Variants in GPX4 observed in about 807,000 individuals in gnomAD.
GPX4 encodes the protein phospholipid hydroperoxide glutathione peroxidase GPX4.
A neutral mutation model predicts 27.8 loss-of-function variants in GPX4; 28 were observed. The ratio of observed to expected loss-of-function variants is 1.01; its 90% CI spans 0.75 to 1.38. GPX4 has a LOEUF of 1.38. GPX4 is among the 40% of genes most tolerant of loss of function. GPX4 has a pLI of 0.00. For missense variants in GPX4, 357 were observed against 274.1 expected, an observed-to-expected ratio of 1.30 and a Z score of -2.14; for synonymous variants, 163 against 107.8, an observed-to-expected ratio of 1.51 and a Z score of -3.17.
intron 1 of GPX4, chr19:1,104,518 G>A: frequency 1.8e-6 from 1 of 546,334 alleles, no homozygotes; most frequent in Non-Finnish European, 2.4e-6. Flanking sequence ...ACGGCGGGGC[G>A]TCTCCGGGCC....
rs758851198 is a variant in GPX4 at position 1,106,606 on chromosome 19, C to G, written c.*34C>G. The stretch of plus-strand genomic sequence containing the variant: ...GTGTGTGGCCCCGCCCGAGCCCCTG[C>G]CCACGCCCTTGGAGCCTTCCACCGG... On this transcript the variant is annotated 3_prime_UTR_variant, in exon 7 of 7. Transcript: ENST00000354171. The G allele has an allele frequency of 4.0e-5, 64 of 1,612,414 alleles. No individual in the cohort carries two copies. Among genetic ancestry groups the G allele is most frequent in the African/African-American group, 9.3e-5 (7 of 74,882 alleles).
At chr19:1,106,178 C>G in intron 4 of GPX4, 64 bp from the exon 5 acceptor site, 1 of 1,487,712 alleles carries the variant, frequency 6.7e-7, no homozygotes, top group Non-Finnish European at 9.1e-7. Flanking sequence ...CTCCTGGAGA[C>G]AGGACAGCTT....
chr19:1,105,502 G>A lies in GPX4; in HGVS notation c.316G>A (p.Gly106Arg). 3.1e-6 allele frequency: 5 copies of A among 1,612,480 alleles called. No homozygotes were observed. The highest frequency in any genetic ancestry group is 3.4e-6 in the Non-Finnish European group (4 of 1,179,764). ...CCTGGCCTTCCCGTGTAACCAGTTC[G>A]GGAAGCAGGTGGGCTGCTGCGTCCC... ...RILAFPCNQF[G>R]KQEPGSNEEI... Residue 106 changes from glycine to arginine, a missense_variant, in exon 3 of 7, where the codon GGG (glycine) becomes AGG (arginine). Transcript: ENST00000354171.
rs8178968 is a variant in GPX4 at position 1,104,152 on chromosome 19, C to G, written c.84+25C>G. Reference sequence around the variant, plus strand: ...GGTGAGCTAGCGCCGCGGCCGTTGCCGGCCCGGTGACCGTTGGGGCGGGCG... The same window carrying G: ...GGTGAGCTAGCGCCGCGGCCGTTGCGGGCCCGGTGACCGTTGGGGCGGGCG... On this transcript the variant is annotated intron_variant, in intron 1 of 6. Coordinates refer to ENST00000354171, the MANE Select transcript of GPX4 (RefSeq NM_002085.5). 7,753 of 1,437,970 alleles carry G rather than the reference C, an allele frequency of 5.4e-3. 390 individuals are homozygous for G. In the African/African-American group the frequency reaches 0.1, roughly 19 times the overall value. The allele number at this position is 1,437,970 out of a possible 1,614,324, so 89.1% of individuals were successfully genotyped here.
intron 5 of GPX4, 63 bp downstream of exon 5, chr19:1,106,329 C>T (rs775477311): frequency 3.1e-6 from 5 of 1,608,216 alleles, no homozygotes; most frequent in Non-Finnish European, 4.3e-6. Flanking sequence ...CCCAGATGGG[C>T]AGCGGACAGG....
At chr19:1,106,109 G>T (rs2079650247) in intron 4 of GPX4, 133 bp from the exon 5 acceptor site, 16 of 848,448 alleles carry the variant, frequency 1.9e-5, no homozygotes, top group Non-Finnish European at 2.7e-5. Context: ...GATGGCTCTG[G>T]GGGGGCTTGG....
Position 1,105,445 on chromosome 19 carries a change from C to CA in GPX4, c.260dup (p.His87GlnfsTer?), listed in dbSNP as rs1568533823. 1 of 1,612,678 alleles carries CA rather than the reference C, an allele frequency of 6.2e-7. No individual in the cohort carries two copies. The highest frequency in any genetic ancestry group is 1.1e-5 in the South Asian group (1 of 91,054). The stretch of plus-strand genomic sequence containing the variant: ...AAACTACACTCAGCTCGTCGACCTG[C>CA]ACGCCCGATACGCTGAGTGTGGTTT... On this transcript the variant is annotated frameshift_variant, in exon 3 of 7. Coordinates refer to ENST00000354171, the MANE Select transcript of GPX4 (RefSeq NM_002085.5). LOFTEE classifies it high-confidence loss of function.
intron 1 of GPX4, chr19:1,104,590 G>T: frequency 2.1e-6 from 2 of 974,692 alleles, no homozygotes; most frequent in Non-Finnish European, 2.4e-6. Flanking sequence ...CGGATCACGC[G>T]CCCCCGGGCG....
rs564521219 is a variant in GPX4 at position 1,106,381 on chromosome 19, G to C, written c.502-19G>C. 6.2e-7 allele frequency: 1 copy of C among 1,613,350 alleles called. No homozygotes were observed. The highest frequency in any genetic ancestry group is 1.7e-5 in the Admixed American group (1 of 59,998). On this transcript the variant is annotated intron_variant, in intron 5 of 6. Coordinates refer to ENST00000354171, the MANE Select transcript of GPX4 (RefSeq NM_002085.5). ...CCTTGCAGGGGTGGCCCCACAGTTTGGACACCGTCTCTCCACAGTTCCTCA... is the reference window on the plus strand; with the variant it reads ...CCTTGCAGGGGTGGCCCCACAGTTTCGACACCGTCTCTCCACAGTTCCTCA...
chr19:1,105,949 C>A, intron 4 of GPX4, 140 bp downstream of exon 4: 1 of 1,063,002 alleles, frequency 9.4e-7, no homozygotes, highest in Non-Finnish European at 1.3e-6. Flanking sequence ...CATCGCGTGG[C>A]CTCCTGGGGG....
rs779891202 is a variant in GPX4 at position 1,106,448 on chromosome 19, G to T, written c.550G>T (p.Glu184Ter). The change falls in exon 6 of 7, where the codon GAG becomes TAG. Residue 184 changes from glutamate (E) to a stop codon, truncating the protein, a stop_gained. Transcript: ENST00000354171. LOFTEE classifies it high-confidence loss of function. ...CGTGGTGAAGCGCTACGGACCCATG[G>T]AGGAGCCCCTGGTAGGTCCTCTCTA... ...GCVVKRYGPM[E>*]EPLVIEKDLP... is the part of the protein sequence containing the mutation. The T allele has an allele frequency of 6.2e-6, 10 of 1,613,272 alleles. No individual in the cohort carries two copies. Among genetic ancestry groups the T allele is most frequent in the Non-Finnish European group, 8.5e-6 (10 of 1,179,838 alleles).
At position 1,105,820 on chromosome 19, in the gene GPX4, T is replaced by C. The variant is rs1040916448; in HGVS notation, c.476+11T>C. 1.6e-6 allele frequency: 2 copies of C among 1,263,492 alleles called. No homozygotes were observed. The highest frequency in any genetic ancestry group is 2.2e-4 in the Middle Eastern group (1 of 4,596). 78.3% of individuals were successfully genotyped at this position (1,263,492 alleles called of 1,614,324 possible). On this transcript the variant is annotated intron_variant, in intron 4 of 6. Transcript: ENST00000354171. ...GGGCATCCTGGGAAAGTGCGTGACC[T>C]CTGGGGACAGTACGGCTGCTGGGGT...
At position 1,105,735 on chromosome 19, in the gene GPX4, C is replaced by T. The variant is rs769250904; in HGVS notation, c.402C>T (p.Cys134=). 120 of 1,604,770 alleles carry T rather than the reference C, an allele frequency of 7.5e-5. No individual in the cohort carries two copies. In the Admixed American group the frequency reaches 2.0e-3, roughly 26 times the overall value. Residue 134 remains cysteine, a synonymous_variant, in exon 4 of 7, where the codon TGC becomes TGT. Transcript: ENST00000354171. ...AATTCGATATGTTCAGCAAGATCTG[C>T]GTGAACGGGGACGACGCCCACCCGC... The part of the protein sequence containing the change: ...NVKFDMFSKI[C]VNGDDAHPLW...
Position 1,105,384 on chromosome 19 carries a change from C to T in GPX4, c.198C>T (p.Val66=), listed in dbSNP as rs376432780. 3 of 1,610,548 alleles carry T rather than the reference C, an allele frequency of 1.9e-6. No homozygotes were observed. The highest frequency in any genetic ancestry group is 1.3e-5 in the African/African-American group (1 of 75,006). ...LDKYRGFVCI[V]TNVASQUGKT... ...CTCGCAGGGGCTTCGTGTGCATCGTCACCAACGTGGCCTCCCAGTGAGGCA... is the reference window on the plus strand; with the variant it reads ...CTCGCAGGGGCTTCGTGTGCATCGTTACCAACGTGGCCTCCCAGTGAGGCA... Residue 66 remains valine (V), a synonymous_variant, in exon 3 of 7, where the codon GTC becomes GTT. Transcript: ENST00000354171.
At chr19:1,105,035 G>A (rs1253646418) in intron 1 of GPX4, 151 bp from the exon 2 acceptor site, 12 of 1,467,160 alleles carry the variant, frequency 8.2e-6, no homozygotes, top group South Asian at 5.4e-5. Flanking sequence ...ACAAGGGGGC[G>A]TGTGCGTTTA....
chr19:1,106,180 G>A, intron 4 of GPX4, 62 bp from the exon 5 acceptor site: 1 of 1,503,220 alleles, frequency 6.7e-7, no homozygotes, highest in Non-Finnish European at 9.0e-7. Context: ...CCTGGAGACA[G>A]GACAGCTTGG....
intron 3 of GPX4, 65 bp from the exon 4 acceptor site, chr19:1,105,593 G>A (rs901822208): frequency 1.2e-6 from 2 of 1,600,958 alleles, no homozygotes; most frequent in African/African-American, 1.3e-5. Flanking sequence ...GCCTGGGAGT[G>A]TGCAGGGGGC....
chr19:1,106,337 AG>A (rs766168909), intron 5 of GPX4, 62 bp from the exon 6 acceptor site: 16 of 1,608,886 alleles, frequency 9.9e-6, no homozygotes, highest in Admixed American at 6.7e-5. Flanking sequence ...GGCAGCGGAC[AG>A]GAAGGGCAGC....
rs1182068647 is a variant in GPX4, at chr19:1,105,498, G to C, written c.312G>C (p.Gln104His). The change falls in exon 3 of 7, where the codon CAG becomes CAC. Residue 104 changes from glutamine (Q) to histidine (H), a missense_variant. Transcript: ENST00000354171. ...GLRILAFPCN[Q>H]FGKQEPGSNE... The stretch of plus-strand genomic sequence containing the variant: ...GGATCCTGGCCTTCCCGTGTAACCA[G>C]TTCGGGAAGCAGGTGGGCTGCTGCG... The C allele has an allele frequency of 1.9e-6, 3 of 1,603,104 alleles. No individual in the cohort carries two copies.
Sources: gnomAD v4.1 joint callset for allele counts on GRCh38, gnomAD v4.1.1 for gene constraint, MANE v1.5 for transcripts, NCBI Gene and HGNC (gene_info 2026-07-23, HGNC 2026-07-21) for gene names.